Variants in RBM6 observed in about 807,000 individuals in gnomAD.
The protein encoded by RBM6 is RNA-binding protein 6.
A neutral mutation model predicts 140.4 loss-of-function variants in RBM6; 23 were observed. The observed-to-expected ratio is 0.16, with a 90% CI of 0.12 to 0.23. The LOEUF is 0.23. RBM6 is among the 10% of genes least tolerant of loss of function. The pLI, the probability that RBM6 is intolerant of heterozygous loss-of-function variation, is 1.00. For missense variants in RBM6, 1,139 were observed against 1,386.7 expected (o/e 0.82, Z 2.84); for synonymous variants, 439 against 475.6 (o/e 0.92, Z 1.00).
At chr3:49,969,881 G>A (rs577875917) in intron 3 of RBM6, among the ~76,000 whole-genome samples, 9 of 151,692 alleles carry the variant, frequency 5.9e-5, no homozygotes, top group African/African-American at 1.7e-4. Flanking sequence ...GGGTTCCCCC[G>A]CCTCAGCCTT....
chr3:50,031,105 G>A (rs1484947796), intron 6 of RBM6, among the ~76,000 whole-genome samples: 1 of 152,216 alleles, frequency 6.6e-6, no homozygotes, highest in Non-Finnish European at 1.5e-5. Flanking sequence ...AGGATGTGGA[G>A]AAACAGGAAC....
At chr3:50,032,557 T>C (rs1559609739) in intron 6 of RBM6, among the ~76,000 whole-genome samples, 1 of 151,678 alleles carries the variant, frequency 6.6e-6, no homozygotes, top group East Asian at 1.9e-4. Context: ...CTATTAGTAG[T>C]CTCTTAATTT....
intron 1 of RBM6, among the ~76,000 whole-genome samples, chr3:49,950,495 C>T (rs760839117): frequency 3.3e-5 from 5 of 152,202 alleles, no homozygotes; most frequent in African/African-American, 1.2e-4. Flanking sequence ...GTGACTCAGG[C>T]TTGTAATCCC....
chr3:50,032,934 G>A (rs1255115218), intron 6 of RBM6, among the ~76,000 whole-genome samples: 11 of 148,932 alleles, frequency 7.4e-5, no homozygotes, highest in African/African-American at 1.7e-4. Flanking sequence ...GCAGTGAGCC[G>A]AGATCGTGCC....
intron 5 of RBM6, 71 bp from the exon 6 acceptor site, chr3:49,999,369 G>T: frequency 7.5e-7 from 1 of 1,333,286 alleles, no homozygotes; most frequent in Non-Finnish European, 1.1e-6. Context: ...AGAAACAGGG[G>T]ATTTAAGTGT....
At chr3:49,990,230 G>C (rs1352580751) in intron 5 of RBM6, among the ~76,000 whole-genome samples, 1 of 152,102 alleles carries the variant, frequency 6.6e-6, no homozygotes, top group Non-Finnish European at 1.5e-5. Flanking sequence ...ACACAAACTA[G>C]ATGTTATAGC....
chr3:50,057,671 T>C (rs558763902), intron 8 of RBM6, 57 bp from the exon 9 acceptor site: 1 of 168,594 alleles, frequency 5.9e-6, no homozygotes, highest in Non-Finnish European at 1.1e-5. Flanking sequence ...GTGTTTTTTC[T>C]TTTTTTTTTT....
intron 1 of RBM6, among the ~76,000 whole-genome samples, chr3:49,954,439 C>CAAA (rs529547115): frequency 2.5e-5 from 2 of 80,378 alleles, no homozygotes; most frequent in East Asian, 4.1e-4. Context: ...GACTCCATCT[C>CAAA]AAAAAAAAAA....
At chr3:49,955,343 G>A (rs951092288) in intron 1 of RBM6, among the ~76,000 whole-genome samples, 4 of 108,100 alleles carry the variant, frequency 3.7e-5, no homozygotes, top group Admixed American at 8.7e-5. Flanking sequence ...GTTAATTTTC[G>A]TATTTTTTTG....
intron 1 of RBM6, among the ~76,000 whole-genome samples, chr3:49,949,151 T>A (rs893495674): frequency 2.6e-5 from 4 of 151,544 alleles, no homozygotes; most frequent in Non-Finnish European, 5.9e-5. Flanking sequence ...TTTACCATAA[T>A]TATACAAGAA....
intron 1 of RBM6, among the ~76,000 whole-genome samples, chr3:49,943,031 T>G (rs2083353520): frequency 6.6e-6 from 1 of 152,206 alleles, no homozygotes; most frequent in Non-Finnish European, 1.5e-5. Context: ...TTTATTTCAC[T>G]TAGTGTAATG....
At chr3:50,023,275 C>A (rs1014927968) in intron 6 of RBM6, among the ~76,000 whole-genome samples, 1 of 151,922 alleles carries the variant, frequency 6.6e-6, no homozygotes, top group African/African-American at 2.4e-5. Flanking sequence ...TTTATAAAGT[C>A]TTAGCTCCTG....
At chr3:50,068,594 GC>G in intron 17 of RBM6, 95 bp from the exon 18 acceptor site, 1 of 1,076,360 alleles carries the variant, frequency 9.3e-7, no homozygotes, top group Non-Finnish European at 1.4e-6. Flanking sequence ...AATCAAAAGA[GC>G]TACAATCCAA....
chr3:50,023,376 G>A (rs2087619345), intron 6 of RBM6, among the ~76,000 whole-genome samples: 1 of 152,062 alleles, frequency 6.6e-6, no homozygotes, highest in Non-Finnish European at 1.5e-5. Flanking sequence ...CGCGATCTCG[G>A]CTGACTGCAA....
chr3:49,962,486 T>A (rs1371751695), intron 1 of RBM6, 90 bp from the exon 2 acceptor site: 7 of 644,796 alleles, frequency 1.1e-5, no homozygotes, highest in African/African-American at 1.9e-5. Context: ...TTGCTGCTGA[T>A]GTGGTCCCTC....
intron 6 of RBM6, among the ~76,000 whole-genome samples, chr3:50,035,996 G>C (rs565842576): frequency 6.5e-4 from 99 of 152,202 alleles, no homozygotes; most frequent in African/African-American, 2.2e-3. Context: ...TCCACACCTT[G>C]TGATCCACCC....
chr3:49,997,240 T>A (rs1559565521), intron 5 of RBM6, among the ~76,000 whole-genome samples: 1 of 152,032 alleles, frequency 6.6e-6, no homozygotes, highest in African/African-American at 2.4e-5. Flanking sequence ...AAAGTTTCAG[T>A]CAGAATAAAT....
At chr3:49,979,445 T>G (rs1163515146) in intron 5 of RBM6, among the ~76,000 whole-genome samples, 4 of 151,088 alleles carry the variant, frequency 2.6e-5, no homozygotes, top group Non-Finnish European at 5.9e-5. Context: ...TTTGTTTTTT[T>G]TTTTTTTTTT....
chr3:49,991,261 C>G (rs1382769876), intron 5 of RBM6, among the ~76,000 whole-genome samples: 1 of 152,092 alleles, frequency 6.6e-6, no homozygotes, highest in African/African-American at 2.4e-5. Flanking sequence ...TGCCACCGTC[C>G]CAGCATGTAG....
Sources: allele counts gnomAD v4.1 joint callset (sites outside exome capture counted in the v4.1 genomes callset), GRCh38; gene constraint gnomAD v4.1.1; transcripts MANE v1.5; gene names NCBI Gene and HGNC (gene_info 2026-07-23, HGNC 2026-07-21).